The following GLRX2 variants were observed in gnomAD, a reference collection of about 807,000 sequenced individuals.
GLRX2 encodes the protein glutaredoxin 2, also known as bA101E13.1 (GRX2 glutaredoxin (thioltransferase) 2).
GLRX2 carries 12 observed loss-of-function variants against 16.4 expected under a neutral mutation model. The observed-to-expected ratio is 0.73, with a 90% CI of 0.47 to 1.19. The LOEUF (loss-of-function observed/expected upper bound fraction) is 1.19, where lower values mean the gene tolerates loss of function less well. GLRX2 is among the 50% of genes most tolerant of loss of function. The probability of loss-of-function intolerance (pLI) is 0.00; values close to 1 mark genes in which losing one functional copy is unlikely to be tolerated. For synonymous variants in GLRX2, 95 were observed against 76.2 expected (o/e 1.25, Z -1.28); for missense variants, 201 against 201.8 (o/e 1.00, Z 0.02).
chr1:193,100,373 C>T (rs55817656), intron 2 of GLRX2, among the ~76,000 whole-genome samples: 4 of 152,294 alleles, frequency 2.6e-5, no homozygotes, highest in African/African-American at 9.6e-5. Context: ...ACTAGGGAGG[C>T]TGAGGCAGGA....
In GLRX2 at chr1:193,097,736, C is replaced by A. The variant is rs781409264; in HGVS notation, c.208G>T (p.Val70Leu). Reference protein sequence around the residue: ...IQETISDNCVVIFSKTSCSYC... With the variant: ...IQETISDNCVLIFSKTSCSYC... ...GAACAGGATGTTTTTGAGAAAATCA[C>A]CACACAATTATCAGAAATTGTTTCC... The change falls in exon 3 of 4, where the codon GTG (valine) becomes TTG (leucine). Residue 70 changes from valine (V) to leucine (L), a missense_variant. Val to Leu is a conservative substitution (Grantham distance 32). Coordinates refer to ENST00000367439, the MANE Select transcript of GLRX2 (RefSeq NM_197962.3). 7.6e-6 allele frequency: 12 copies of A among 1,588,766 alleles called. No individual in the cohort carries two copies. Among genetic ancestry groups the A allele is most frequent in the Admixed American group, 1.9e-5 (1 of 53,912 alleles).
intron 1 of GLRX2, 90 bp downstream of exon 1, chr1:193,105,174 G>A: frequency 1.4e-6 from 2 of 1,433,574 alleles, no homozygotes; most frequent in East Asian, 2.8e-5. Flanking sequence ...CCGGCGCCGG[G>A]GCAAAGGGGC....
chr1:193,096,910 T>G (rs1674970630), intron 3 of GLRX2, 151 bp from the exon 4 acceptor site: 1 of 593,596 alleles, frequency 1.7e-6, no homozygotes, highest in Admixed American at 3.4e-5. Context: ...ATCTTTACCC[T>G]TTAAGGTAGG....
chr1:193,105,779 A>G, upstream of GLRX2: 2 of 1,359,530 alleles, frequency 1.5e-6, no homozygotes. Flanking sequence ...ACAGAATCAA[A>G]GTGGTGCCTC....
chr1:193,100,566 T>C (rs1199906424), intron 2 of GLRX2, among the ~76,000 whole-genome samples: 1 of 152,188 alleles, frequency 6.6e-6, no homozygotes, highest in East Asian at 1.9e-4. Context: ...AGGCAGACAT[T>C]TTTTTTGTTT....
At chr1:193,105,483 G>T (rs768748717), upstream of GLRX2, 3 of 967,368 alleles carry the variant, frequency 3.1e-6, 1 homozygote, top group South Asian at 3.0e-5. Flanking sequence ...GCCCCGTCCC[G>T]CCCCTCCGGA....
chr1:193,097,674 C>T lies in GLRX2; in HGVS notation c.270G>A (p.Met90Ile), dbSNP rs1558266052. The change falls in exon 3 of 4, where the codon ATG becomes ATA. Residue 90 changes from methionine (M) to isoleucine (I), a missense_variant. Met to Ile is a conservative substitution (Grantham distance 10, BLOSUM62 1). Coordinates refer to ENST00000367439, the MANE Select transcript of GLRX2 (RefSeq NM_197962.3). Reference protein sequence around the residue: ...CTMAKKLFHDMNVNYKVVELD... With the variant: ...CTMAKKLFHDINVNYKVVELD... The stretch of plus-strand genomic sequence containing the variant: ...GTTCCACCACTTTATAGTTAACATT[C>T]ATGTCATGGAAAAGCTTTTTTGCCA... The T allele has an allele frequency of 6.2e-7, 1 of 1,613,206 alleles. No individual in the cohort carries two copies. The highest frequency in any genetic ancestry group is 8.5e-7 in the Non-Finnish European group (1 of 1,179,422).
At chr1:193,101,437 T>A (rs1448688194) in intron 1 of GLRX2, among the ~76,000 whole-genome samples, 3 of 152,250 alleles carry the variant, frequency 2.0e-5, no homozygotes, top group South Asian at 4.1e-4. Flanking sequence ...AATTATTTGA[T>A]AAAATCATAT....
rs950103640 is a variant in GLRX2, at chr1:193,096,491, T to C, written c.*134A>G. On this transcript the variant is annotated 3_prime_UTR_variant, in exon 4 of 4. Coordinates refer to ENST00000367439, the MANE Select transcript of GLRX2 (RefSeq NM_197962.3). Reference sequence around the variant, plus strand: ...AGAAGAGGTTTCCACCGCAATTTATTGTTCATTATTTTTACATCTTCTTCG... The same window carrying C: ...AGAAGAGGTTTCCACCGCAATTTATCGTTCATTATTTTTACATCTTCTTCG... 1 of 487,594 alleles carries C rather than the reference T, an allele frequency of 2.1e-6. No individual in the cohort carries two copies. Among genetic ancestry groups the C allele is most frequent in the Non-Finnish European group, 3.5e-6 (1 of 282,182 alleles). 30.2% of individuals were successfully genotyped at this position (487,594 alleles called of 1,614,324 possible). A position where few individuals can be genotyped will look rare whatever the true frequency, so the allele number is the denominator to read the frequency against.
intron 2 of GLRX2, 22 bp from the exon 3 acceptor site, chr1:193,097,782 T>C: frequency 6.6e-7 from 1 of 1,506,654 alleles, no homozygotes; most frequent in Non-Finnish European, 9.0e-7. Context: ...CCACAAAAAA[T>C]CATTTTAATT....
At chr1:193,103,420 G>C (rs763173973) in intron 1 of GLRX2, among the ~76,000 whole-genome samples, 1 of 152,194 alleles carries the variant, frequency 6.6e-6, no homozygotes, top group African/African-American at 2.4e-5. Context: ...GGGCCTATGA[G>C]AAGATTCAGC....
Position 193,097,856 on chromosome 1 carries a change from A to G in GLRX2, c.184-96T>C, listed in dbSNP as rs1341833875. ...GAAAGGGTATGGATTTTGGTCTCTCATGATTCTGGGCTCAAACTAAGCATC... is the reference window on the plus strand; with the variant it reads ...GAAAGGGTATGGATTTTGGTCTCTCGTGATTCTGGGCTCAAACTAAGCATC... On this transcript the variant is annotated intron_variant, in intron 2 of 3. Coordinates refer to ENST00000367439, the MANE Select transcript of GLRX2 (RefSeq NM_197962.3). 3 of 789,624 alleles carry G rather than the reference A, an allele frequency of 3.8e-6. No individual in the cohort carries two copies. The African/African-American group carries it at 5.4e-5, about 14-fold the overall frequency. 48.9% of individuals were successfully genotyped at this position (789,624 alleles called of 1,614,324 possible). A position where few individuals can be genotyped will look rare whatever the true frequency, so the allele number is the denominator to read the frequency against.
At position 193,098,840 on chromosome 1, in the gene GLRX2, C is replaced by T. The variant is rs191088232; in HGVS notation, c.184-1080G>A. Among the ~76,000 whole-genome samples the T allele has an allele frequency of 3.3e-5, 5 of 152,176 alleles. 1 individual carries two copies. The highest frequency in any genetic ancestry group is 4.2e-4 in the South Asian group (2 of 4,818). ...TGCTGGGATTACAGGTGTGAGCCAC[C>T]GCGCCCAGCCCCAAAACATTATACT... On this transcript the variant is annotated intron_variant, in intron 2 of 3. Coordinates refer to ENST00000367439, the MANE Select transcript of GLRX2 (RefSeq NM_197962.3).
chr1:193,099,474 G>A (rs1675029712), intron 2 of GLRX2, among the ~76,000 whole-genome samples: 1 of 152,140 alleles, frequency 6.6e-6, no homozygotes, highest in East Asian at 1.9e-4. Flanking sequence ...CCAAGTGTCT[G>A]GGACTACAGA....
At position 193,096,753 on chromosome 1, in the gene GLRX2, T is replaced by C. The variant is rs376497379; in HGVS notation, c.367A>G (p.Arg123Gly). ...ATAAAAGTACCATTGACAAATATTC[T>C]TGGAACCTGTTGGACAAACAAAAGA... Reference protein sequence around the residue: ...YKMTGERTVPRIFVNGTFIGG... With the variant: ...YKMTGERTVPGIFVNGTFIGG... Residue 123 changes from arginine (R) to glycine (G), a missense_variant, in exon 4 of 4, where the codon AGA becomes GGA. By Grantham distance (125) the Arg-to-Gly change is moderately radical. Coordinates refer to ENST00000367439, the MANE Select transcript of GLRX2 (RefSeq NM_197962.3). The C allele has an allele frequency of 2.8e-5, 45 of 1,605,600 alleles. No individual in the cohort carries two copies. In the African/African-American group the frequency reaches 3.5e-4, roughly 12 times the overall value.
At chr1:193,102,989 G>A (rs550905623) in intron 1 of GLRX2, among the ~76,000 whole-genome samples, 1 of 152,232 alleles carries the variant, frequency 6.6e-6, no homozygotes, top group South Asian at 2.1e-4. Context: ...GTGTGGTGAT[G>A]CTTGTGTTCA....
At chr1:193,098,740 G>A (rs541997970) in intron 2 of GLRX2, among the ~76,000 whole-genome samples, 16 of 151,936 alleles carry the variant, frequency 1.1e-4, no homozygotes, top group East Asian at 5.9e-4. Flanking sequence ...TAGTAGAGAC[G>A]GGGTTTCACC....
chr1:193,100,347 G>A (rs1366004546), intron 2 of GLRX2, among the ~76,000 whole-genome samples: 4 of 152,110 alleles, frequency 2.6e-5, no homozygotes, highest in South Asian at 2.1e-4. Flanking sequence ...GGTGGTGGAC[G>A]CCTGTAATCC....
intron 2 of GLRX2, among the ~76,000 whole-genome samples, chr1:193,098,634 C>G (rs553922199): frequency 2.0e-5 from 3 of 152,264 alleles, no homozygotes; most frequent in South Asian, 4.1e-4. Flanking sequence ...TCTCAGCAAC[C>G]TGCGCCTCCC....
Sources: gnomAD v4.1 joint callset for allele counts (sites outside exome capture counted in the v4.1 genomes callset) on GRCh38, gnomAD v4.1.1 for gene constraint, MANE v1.5 for transcripts, NCBI Gene and HGNC (gene_info 2026-07-23, HGNC 2026-07-21) for gene names.